GRIK3: variants seen among roughly 807,000 people sequenced by gnomAD.
GRIK3 encodes the protein glutamate ionotropic receptor kainate type subunit 3.
Under a neutral mutation model 102.5 loss-of-function variants are expected in GRIK3, and 29 were observed. The observed-to-expected ratio is 0.28, with a 90% confidence interval of 0.21 to 0.39. The LOEUF is 0.39. GRIK3 is among the 10% of genes least tolerant of loss of function. The pLI, the probability that GRIK3 is intolerant of heterozygous loss-of-function variation, is 1.00. For missense variants in GRIK3, 908 were observed against 1,252.4 expected (o/e 0.73, Z 4.15); for synonymous variants, 511 against 504.9 (o/e 1.01, Z -0.16).
intron 1 of GRIK3, among the ~76,000 whole-genome samples, chr1:37,011,618 G>C (rs1642596825): frequency 6.6e-6 from 1 of 152,198 alleles, no homozygotes; most frequent in Non-Finnish European, 1.5e-5. Context: ...AGCATGCAGT[G>C]GAGGCTGGTG....
chr1:36,823,812 G>A (rs1210644130), intron 11 of GRIK3, among the ~76,000 whole-genome samples: 1 of 152,148 alleles, frequency 6.6e-6, no homozygotes, highest in African/African-American at 2.4e-5. Context: ...AACTGGTCTG[G>A]GTTTGAAGTC....
chr1:36,861,425 C>T (rs896849689), intron 5 of GRIK3, among the ~76,000 whole-genome samples: 1 of 152,136 alleles, frequency 6.6e-6, no homozygotes, highest in African/African-American at 2.4e-5. Flanking sequence ...CCCTGGGCCC[C>T]CCACTTAGTC....
intron 12 of GRIK3, among the ~76,000 whole-genome samples, chr1:36,818,057 T>C (rs1642651574): frequency 6.6e-6 from 1 of 152,190 alleles, no homozygotes; most frequent in African/African-American, 2.4e-5. Flanking sequence ...AAATTGCAAG[T>C]GACTCCTGAA....
In GRIK3 at chr1:36,962,639, G is replaced by C. The variant is rs1342910147; in HGVS notation, c.115+71355C>G. Among the ~76,000 whole-genome samples, 2 of 128,934 alleles carry C rather than the reference G, an allele frequency of 1.6e-5. 1 individual carries two copies. Among genetic ancestry groups the C allele is most frequent in the African/African-American group, 6.3e-5 (2 of 31,766 alleles). The allele number at this position is 128,934 out of a possible 152,430, so 84.6% of individuals were successfully genotyped here. A position where few individuals can be genotyped will look rare whatever the true frequency, so the allele number is the denominator to read the frequency against. On this transcript the variant is annotated intron_variant, in intron 1 of 15. Transcript: ENST00000373091. ...GGAGGAAAGTGAGAGAGAGGGAGAG[G>C]AAGAGAGAGAGAGAGAGAGAGAGAG... is the stretch of plus-strand genomic sequence containing the variant.
chr1:37,010,355 A>G (rs1243457613), intron 1 of GRIK3, among the ~76,000 whole-genome samples: 1 of 152,242 alleles, frequency 6.6e-6, no homozygotes, highest in Non-Finnish European at 1.5e-5. Context: ...TGAGAAAAAT[A>G]AATAAGAGGT....
At chr1:36,948,425 G>C (rs888264160) in intron 1 of GRIK3, among the ~76,000 whole-genome samples, 1 of 152,110 alleles carries the variant, frequency 6.6e-6, no homozygotes, top group Non-Finnish European at 1.5e-5. Flanking sequence ...GTTTGGATGA[G>C]CTTCTAAGAT....
rs1642676685 is a variant in GRIK3, at chr1:36,819,797, C to T, written c.1812G>A (p.Val604=). ...AHPCNPGSEV[V]ENNFTLLNSF... ...TGTTAAGCAGAGTGAAGTTATTTTC[C>T]ACCACCTCGGAGCCAGGGTTGCAGG... The change falls in exon 12 of 16, where the codon GTG becomes GTA. Residue 604 remains valine, a synonymous_variant. Transcript: ENST00000373091. The surrounding 1 kb of genome is among the most constrained non-coding windows in gnomAD (Gnocchi z 4.1). The T allele has an allele frequency of 6.2e-7, 1 of 1,607,958 alleles. No homozygotes were observed. The highest frequency in any genetic ancestry group is 1.3e-5 in the African/African-American group (1 of 74,852).
chr1:36,940,446 A>C (rs1641706554), intron 1 of GRIK3, among the ~76,000 whole-genome samples: 1 of 152,216 alleles, frequency 6.6e-6, no homozygotes, highest in South Asian at 2.1e-4. Context: ...TCTTAGAAGT[A>C]ATTACTAATA....
At position 37,014,844 on chromosome 1, in the gene GRIK3, A is replaced by ATCTTTTCTTT. The variant is rs57927286; in HGVS notation, c.115+19140_115+19149dup. Among the ~76,000 whole-genome samples, 172 of 133,280 alleles carry ATCTTTTCTTT rather than the reference A, an allele frequency of 1.3e-3. 1 individual carries two copies. The highest frequency in any genetic ancestry group is 9.5e-3 in the East Asian group (48 of 5,054). 87.4% of individuals were successfully genotyped at this position (133,280 alleles called of 152,430 possible). ...ATTTAGCCATTTAGCCTCTTTTCTT[A>ATCTTTTCTTT]TCTTTTCTTTTCTTTTCTTTTCTTT... On this transcript the variant is annotated intron_variant, in intron 1 of 15. Coordinates refer to ENST00000373091, the MANE Select transcript of GRIK3 (RefSeq NM_000831.4).
intron 1 of GRIK3, among the ~76,000 whole-genome samples, chr1:37,031,267 A>G (rs572781510): frequency 1.3e-5 from 2 of 152,296 alleles, no homozygotes; most frequent in Admixed American, 6.5e-5. Context: ...CTACAATCCA[A>G]TCATTCTCTC....
At chr1:36,802,324 T>C (rs1347848233) in intron 15 of GRIK3, among the ~76,000 whole-genome samples, 3 of 152,110 alleles carry the variant, frequency 2.0e-5, no homozygotes, top group Non-Finnish European at 4.4e-5. Context: ...GCATGCACAT[T>C]AACGTCTGAG....
intron 2 of GRIK3, 102 bp downstream of exon 2, chr1:36,890,818 C>A: frequency 1.1e-6 from 1 of 889,900 alleles, no homozygotes; most frequent in South Asian, 2.4e-5. Flanking sequence ...AGGCTCTGAA[C>A]CTACTTGGAG....
intron 9 of GRIK3, 62 bp from the exon 10 acceptor site, chr1:36,842,001 C>T: frequency 1.5e-6 from 2 of 1,345,266 alleles, no homozygotes; most frequent in South Asian, 1.2e-5. Flanking sequence ...GGCAGGCTTG[C>T]ACTGGAGAGT....
intron 13 of GRIK3, among the ~76,000 whole-genome samples, chr1:36,815,674 T>C (rs1642618765): frequency 6.6e-6 from 1 of 152,178 alleles, no homozygotes; most frequent in African/African-American, 2.4e-5. Flanking sequence ...ACTTTGGAAC[T>C]TTTTAGAAAT....
intron 1 of GRIK3, among the ~76,000 whole-genome samples, chr1:36,988,233 G>A (rs959596566): frequency 1.3e-5 from 2 of 152,216 alleles, no homozygotes; most frequent in African/African-American, 2.4e-5. Flanking sequence ...GGAGGTTGCA[G>A]TGAGCCGAGG....
At chr1:36,871,042 G>A (rs1640837184) in intron 4 of GRIK3, among the ~76,000 whole-genome samples, 1 of 152,100 alleles carries the variant, frequency 6.6e-6, no homozygotes, top group Admixed American at 6.6e-5. Context: ...CCAACGCTGG[G>A]TGTCAACTGC....
At chr1:36,970,931 C>T (rs1358300355) in intron 1 of GRIK3, among the ~76,000 whole-genome samples, 2 of 152,204 alleles carry the variant, frequency 1.3e-5, no homozygotes, top group African/African-American at 4.8e-5. Flanking sequence ...TTGGGCCAGT[C>T]CAGTAGGAAC....
At chr1:36,959,539 A>G (rs1362344893) in intron 1 of GRIK3, among the ~76,000 whole-genome samples, 58 of 65,684 alleles carry the variant, frequency 8.8e-4, no homozygotes, top group South Asian at 1.2e-3. Flanking sequence ...TGTGCCCTGT[A>G]AGCCTGGGTG....
At chr1:36,928,933 C>T (rs1425731749) in intron 1 of GRIK3, among the ~76,000 whole-genome samples, 3 of 151,986 alleles carry the variant, frequency 2.0e-5, no homozygotes, top group East Asian at 1.9e-4. Flanking sequence ...TGTGCTGAAC[C>T]CTAAAGAATG....
Sources: allele counts gnomAD v4.1 joint callset (sites outside exome capture counted in the v4.1 genomes callset), GRCh38; gene constraint gnomAD v4.1.1; non-coding constraint Gnocchi (gnomAD v3.1); transcripts MANE v1.5; gene names NCBI Gene and HGNC (gene_info 2026-07-23, HGNC 2026-07-21).